STAG1: variants seen among roughly 807,000 people sequenced by gnomAD.
The protein encoded by STAG1 is cohesin subunit SA-1.
STAG1 carries 26 observed loss-of-function variants against 170.9 expected under a neutral mutation model. The observed-to-expected ratio is 0.15, with a 90% CI of 0.11 to 0.21. STAG1 has a LOEUF of 0.21. Among genes scored for constraint, STAG1 ranks in the 10% least tolerant of loss-of-function variants. The pLI is 1.00. For missense variants in STAG1, 964 were observed against 1,509.5 expected (o/e 0.64, Z 5.99); for synonymous variants, 514 against 497.7 (o/e 1.03, Z -0.44).
Position 136,508,857 on chromosome 3 carries a change from C to T in STAG1, c.677-6078G>A, listed in dbSNP as rs570947750. Among the ~76,000 whole-genome samples, 23 of 152,158 alleles carry T rather than the reference C, an allele frequency of 1.5e-4. No individual in the cohort carries two copies. In the East Asian group the frequency reaches 4.3e-3, roughly 28 times the overall value. On this transcript the variant is annotated intron_variant, in intron 7 of 33. Transcript: ENST00000383202. The stretch of plus-strand genomic sequence containing the variant: ...GAGCCACATCAGTGAAACGTGTGTA[C>T]GTGTGTGTGTGTCTGTGTGCGCGCG...
intron 10 of STAG1, among the ~76,000 whole-genome samples, chr3:136,474,221 G>A (rs1275906448): frequency 6.6e-6 from 1 of 152,112 alleles, no homozygotes; most frequent in African/African-American, 2.4e-5. Flanking sequence ...TGATCAAAAT[G>A]CATTCAGGAT....
In STAG1 at chr3:136,568,861, A is replaced by G. The variant is rs1937168931; in HGVS notation, c.298T>C (p.Ser100Pro). The change falls in exon 5 of 34, where the codon TCC (serine) becomes CCC (proline). Residue 100 changes from serine (S) to proline (P), a missense_variant and splice_region_variant. This residue lies in a region of STAG1 where 108 missense variants were observed against 120.2 expected (regional missense o/e 0.90). Coordinates refer to ENST00000383202, the MANE Select transcript of STAG1 (RefSeq NM_005862.3). ...GATTCAATCCAGTCATCCACCACGG[A>G]CTGTGGAAAAAAAATATAAAAATGA... ...VVKLGKSAMQSVVDDWIESYK... is the reference protein window; with the variant it reads ...VVKLGKSAMQPVVDDWIESYK... The G allele has an allele frequency of 1.3e-6, 2 of 1,592,514 alleles. No individual in the cohort carries two copies. The highest frequency in any genetic ancestry group is 1.4e-5 in the African/African-American group (1 of 73,818).
intron 19 of STAG1, 42 bp downstream of exon 19, chr3:136,422,368 C>T (rs2087984117): frequency 6.5e-7 from 1 of 1,533,122 alleles, no homozygotes; most frequent in Non-Finnish European, 9.0e-7. Flanking sequence ...AAGTAATTCT[C>T]AGTCAATATT....
chr3:136,433,798 C>G, intron 15 of STAG1, 139 bp from the exon 16 acceptor site: 1 of 614,056 alleles, frequency 1.6e-6, no homozygotes, highest in South Asian at 2.1e-5. Context: ...CTGTACTTTG[C>G]TATTTTTTTT....
intron 5 of STAG1, among the ~76,000 whole-genome samples, chr3:136,558,768 G>A (rs1338627111): frequency 6.6e-6 from 1 of 152,074 alleles, no homozygotes; most frequent in Non-Finnish European, 1.5e-5. Context: ...CCCTCAGTAC[G>A]CAAACTAGAG....
At chr3:136,353,010 A>G (rs1936494516) in intron 28 of STAG1, among the ~76,000 whole-genome samples, 1 of 152,218 alleles carries the variant, frequency 6.6e-6, no homozygotes, top group Non-Finnish European at 1.5e-5. Flanking sequence ...CTCATGAAAT[A>G]AAGAGTATCA....
chr3:136,706,492 T>TA (rs1267904102), intron 1 of STAG1, among the ~76,000 whole-genome samples: 2 of 152,114 alleles, frequency 1.3e-5, no homozygotes, highest in Non-Finnish European at 2.9e-5. Context: ...AAAATTAAAA[T>TA]ATCTAAAAAC....
rs370791913 is a variant in STAG1, at chr3:136,441,181, C to T, written c.1546+2106G>A. The stretch of plus-strand genomic sequence containing the variant: ...CCGAGTAGATGGGATTACAAGTGCC[C>T]GCCACCAAACCTGGCTAATTTTTGT... On this transcript the variant is annotated intron_variant, in intron 15 of 33. Coordinates refer to ENST00000383202, the MANE Select transcript of STAG1 (RefSeq NM_005862.3). Among the ~76,000 whole-genome samples the T allele has an allele frequency of 1.2e-3, 180 of 151,982 alleles. 2 individuals are homozygous for T. The South Asian group carries it at 0.034, about 28-fold the overall frequency.
intron 1 of STAG1, among the ~76,000 whole-genome samples, chr3:136,643,779 G>A (rs1940888641): frequency 6.6e-6 from 1 of 152,114 alleles, no homozygotes; most frequent in Non-Finnish European, 1.5e-5. Context: ...AAAGTGCTGG[G>A]ATTATAGGTA....
intron 13 of STAG1, among the ~76,000 whole-genome samples, chr3:136,458,619 C>A (rs1417367626): frequency 6.6e-6 from 1 of 151,972 alleles, no homozygotes; most frequent in Non-Finnish European, 1.5e-5. Flanking sequence ...TCAATGGGAT[C>A]TACAAAACAA....
intron 1 of STAG1, among the ~76,000 whole-genome samples, chr3:136,745,770 T>A (rs12107125): frequency 2.6e-5 from 4 of 151,996 alleles, no homozygotes; most frequent in African/African-American, 9.6e-5. Context: ...CTGGGCCACA[T>A]TGGAAGAAGA....
At chr3:136,638,950 T>A (rs952640607) in intron 1 of STAG1, among the ~76,000 whole-genome samples, 3 of 152,042 alleles carry the variant, frequency 2.0e-5, no homozygotes, top group Non-Finnish European at 4.4e-5. Context: ...TTGCTCTAAA[T>A]TTAAGCAGCA....
chr3:136,678,911 C>A (rs1268986484), intron 1 of STAG1, among the ~76,000 whole-genome samples: 1 of 141,244 alleles, frequency 7.1e-6, no homozygotes, highest in Non-Finnish European at 1.5e-5. Flanking sequence ...GGCATGATGG[C>A]ATGTGCCTGC....
At chr3:136,573,209 G>C (rs1937333211) in intron 4 of STAG1, among the ~76,000 whole-genome samples, 1 of 147,908 alleles carries the variant, frequency 6.8e-6, no homozygotes, top group Non-Finnish European at 1.5e-5. Flanking sequence ...AAAAAAAAAA[G>C]AATTAAACTT....
At chr3:136,473,737 A>G in intron 10 of STAG1, 100 bp from the exon 11 acceptor site, 1 of 808,532 alleles carries the variant, frequency 1.2e-6, no homozygotes. Context: ...CATTTGACTT[A>G]CTGCATATTG....
chr3:136,597,075 T>C (rs554915029), intron 4 of STAG1, among the ~76,000 whole-genome samples: 2 of 152,064 alleles, frequency 1.3e-5, no homozygotes, highest in Non-Finnish European at 2.9e-5. Context: ...GACTGTATCT[T>C]AAAAAAAAAT....
intron 15 of STAG1, among the ~76,000 whole-genome samples, chr3:136,435,934 C>A (rs567325411): frequency 6.6e-6 from 1 of 151,978 alleles, no homozygotes; most frequent in Non-Finnish European, 1.5e-5. Flanking sequence ...TACCAAAGCA[C>A]GGGGATTACA....
At chr3:136,626,209 T>C (rs1940085376) in intron 2 of STAG1, among the ~76,000 whole-genome samples, 1 of 152,128 alleles carries the variant, frequency 6.6e-6, no homozygotes, top group African/African-American at 2.4e-5. Flanking sequence ...CAGCAGATCA[T>C]GAGGTCAGAA....
At chr3:136,453,551 A>C (rs11717999) in intron 13 of STAG1, among the ~76,000 whole-genome samples, 1 of 150,840 alleles carries the variant, frequency 6.6e-6, no homozygotes, top group Non-Finnish European at 1.5e-5. Flanking sequence ...AGATCGCGCC[A>C]CTGCACTCCA....
Sources: allele counts gnomAD v4.1 joint callset (sites outside exome capture counted in the v4.1 genomes callset), GRCh38; gene constraint gnomAD v4.1.1; regional missense constraint gnomAD v4.1.1; transcripts MANE v1.5; gene names NCBI Gene and HGNC (gene_info 2026-07-23, HGNC 2026-07-21).